The following ARHGAP32 variants were observed in gnomAD, a reference collection of about 807,000 sequenced individuals.
The protein encoded by ARHGAP32 is rho GTPase-activating protein 32.
Under a neutral mutation model 186.5 loss-of-function variants are expected in ARHGAP32, and 51 were observed. The observed-to-expected ratio is 0.27, with a 90% CI of 0.22 to 0.35. The LOEUF (loss-of-function observed/expected upper bound fraction) is 0.35, where lower values mean the gene tolerates loss of function less well. Ranked by LOEUF, ARHGAP32 falls within the 10% of genes least tolerant of loss-of-function variation. The probability of loss-of-function intolerance (pLI) is 1.00; values close to 1 mark genes in which losing one functional copy is unlikely to be tolerated. For synonymous variants in ARHGAP32, 950 were observed against 964.3 expected, an observed-to-expected ratio of 0.99 and a Z score of 0.27; for missense variants, 2,186 against 2,623.5, an observed-to-expected ratio of 0.83 and a Z score of 3.64.
At chr11:129,241,611 C>G (rs1206660955) in intron 1 of ARHGAP32, among the ~76,000 whole-genome samples, 1 of 152,006 alleles carries the variant, frequency 6.6e-6, no homozygotes, top group African/African-American at 2.4e-5. Flanking sequence ...CACCACTGCA[C>G]TCCAGCCTGG....
At chr11:129,184,147 C>T (rs1944109089) in intron 1 of ARHGAP32, among the ~76,000 whole-genome samples, 4 of 152,114 alleles carry the variant, frequency 2.6e-5, no homozygotes, top group African/African-American at 7.2e-5. Flanking sequence ...AGGGTACTAA[C>T]AAAAACTGGA....
chr11:129,274,423 T>A (rs1185483520), intron 1 of ARHGAP32, among the ~76,000 whole-genome samples: 1 of 152,232 alleles, frequency 6.6e-6, no homozygotes, highest in Non-Finnish European at 1.5e-5. Context: ...TCTGCCTCCA[T>A]CTCACTGTTC....
intron 2 of ARHGAP32, among the ~76,000 whole-genome samples, chr11:129,144,288 G>A (rs1943124451): frequency 6.6e-6 from 1 of 152,130 alleles, no homozygotes; most frequent in South Asian, 2.1e-4. Flanking sequence ...GTTCAGGTAT[G>A]AGTCTCCACA....
chr11:129,092,445 T>C (rs1396647487), intron 6 of ARHGAP32, among the ~76,000 whole-genome samples: 1 of 151,946 alleles, frequency 6.6e-6, no homozygotes, highest in Non-Finnish European at 1.5e-5. Flanking sequence ...TTATCATAAA[T>C]GCACTCAATA....
At chr11:129,267,221 G>A (rs1591386949) in intron 1 of ARHGAP32, among the ~76,000 whole-genome samples, 1 of 152,242 alleles carries the variant, frequency 6.6e-6, no homozygotes. Flanking sequence ...AATTAACGGG[G>A]CATGATGGCA....
intron 9 of ARHGAP32, 117 bp from the exon 10 acceptor site, chr11:129,062,474 AGT>A: frequency 1.5e-6 from 1 of 667,938 alleles, no homozygotes; most frequent in Admixed American, 3.4e-5. Context: ...TGCTCTGGCC[AGT>A]AATTTCCAAA....
At chr11:129,088,994 TC>T (rs71471486) in intron 6 of ARHGAP32, among the ~76,000 whole-genome samples, 18,042 of 65,266 alleles carry the variant, frequency 0.28, 1,311 homozygotes, top group Non-Finnish European at 0.31. Flanking sequence ...AGAGACCTTG[TC>T]AAAAAAAAAA....
At chr11:129,213,279 A>C (rs1255047689) in intron 1 of ARHGAP32, among the ~76,000 whole-genome samples, 5 of 152,318 alleles carry the variant, frequency 3.3e-5, no homozygotes, top group Admixed American at 2.0e-4. Context: ...AATGGACAAA[A>C]TCACTGCTTC....
At chr11:129,054,568 T>C (rs1940177264) in intron 10 of ARHGAP32, among the ~76,000 whole-genome samples, 1 of 152,182 alleles carries the variant, frequency 6.6e-6, no homozygotes, top group South Asian at 2.1e-4. Flanking sequence ...TATTAACATG[T>C]TGTATTTGTG....
At chr11:129,053,550 T>C (rs1312762168) in intron 10 of ARHGAP32, among the ~76,000 whole-genome samples, 1 of 152,214 alleles carries the variant, frequency 6.6e-6, no homozygotes, top group African/African-American at 2.4e-5. Context: ...TGCTCTGTTA[T>C]ATGCCTAAAA....
chr11:129,031,784 C>A (rs1939123274), intron 11 of ARHGAP32, among the ~76,000 whole-genome samples: 1 of 152,190 alleles, frequency 6.6e-6, no homozygotes, highest in Admixed American at 6.5e-5. Flanking sequence ...TCCAAAACCA[C>A]CTTGGCCTGA....
chr11:129,066,935 A>G, intron 6 of ARHGAP32, 67 bp from the exon 7 acceptor site: 1 of 1,291,966 alleles, frequency 7.7e-7, no homozygotes, highest in East Asian at 2.5e-5. Context: ...ATCAGGCCAT[A>G]TTCTATAATG....
At chr11:129,101,479 A>G (rs1941897431) in intron 5 of ARHGAP32, among the ~76,000 whole-genome samples, 1 of 152,240 alleles carries the variant, frequency 6.6e-6, no homozygotes, top group Admixed American at 6.5e-5. Flanking sequence ...AGGAGCTGAC[A>G]GACAAAATAG....
intron 2 of ARHGAP32, among the ~76,000 whole-genome samples, chr11:129,145,039 G>T (rs1335989625): frequency 2.0e-5 from 3 of 152,032 alleles, no homozygotes; most frequent in African/African-American, 7.2e-5. Flanking sequence ...CTATAACTGA[G>T]ATTCATCCTT....
At chr11:129,011,210 C>A (rs1938062507) in intron 11 of ARHGAP32, among the ~76,000 whole-genome samples, 1 of 152,112 alleles carries the variant, frequency 6.6e-6, no homozygotes. Flanking sequence ...TCATTCATTT[C>A]TCACAGCCCA....
chr11:129,055,144 G>T (rs1940198481), intron 10 of ARHGAP32, among the ~76,000 whole-genome samples: 1 of 152,194 alleles, frequency 6.6e-6, no homozygotes, highest in Non-Finnish European at 1.5e-5. Flanking sequence ...GTGGCAAAGG[G>T]AGAATAAAAA....
intron 5 of ARHGAP32, among the ~76,000 whole-genome samples, chr11:129,114,029 T>C (rs1446987221): frequency 1.3e-5 from 2 of 152,078 alleles, no homozygotes; most frequent in Non-Finnish European, 2.9e-5. Context: ...AGTCATCCCC[T>C]TTTTTCCTAC....
chr11:129,104,690 A>G (rs993272258), intron 5 of ARHGAP32, among the ~76,000 whole-genome samples: 1 of 152,056 alleles, frequency 6.6e-6, no homozygotes. Context: ...AAAAAACTAA[A>G]AGAGAAAGAA....
intron 11 of ARHGAP32, among the ~76,000 whole-genome samples, chr11:129,015,785 A>G (rs1311982375): frequency 6.6e-6 from 1 of 152,206 alleles, no homozygotes; most frequent in African/African-American, 2.4e-5. Context: ...TCTTTTAAGT[A>G]TATACCACAA....
Sources: allele counts gnomAD v4.1 joint callset (sites outside exome capture counted in the v4.1 genomes callset), GRCh38; gene constraint gnomAD v4.1.1; transcripts MANE v1.5; gene names NCBI Gene and HGNC (gene_info 2026-07-23, HGNC 2026-07-21).